The following SORCS3 variants were observed in gnomAD, a reference collection of about 807,000 sequenced individuals.
SORCS3 encodes the protein sortilin related VPS10 domain containing receptor 3.
A neutral mutation model predicts 146.3 loss-of-function variants in SORCS3; 57 were observed. That is an observed-to-expected ratio of 0.39 (90% CI 0.31 to 0.49). The LOEUF (loss-of-function observed/expected upper bound fraction) is 0.49. SORCS3 is among the 20% of genes least tolerant of loss of function. The pLI is 0.92. For synonymous variants in SORCS3, 653 were observed against 618.5 expected (o/e 1.06, Z -0.83); for missense variants, 1,341 against 1,575.5 (o/e 0.85, Z 2.52).
intron 2 of SORCS3, among the ~76,000 whole-genome samples, chr10:104,848,616 A>G (rs2018234674): frequency 6.6e-6 from 1 of 152,178 alleles, no homozygotes; most frequent in Non-Finnish European, 1.5e-5. Flanking sequence ...GGCTCTTTAT[A>G]TGTGAGGTCC....
chr10:105,033,961 C>T (rs539936924), intron 4 of SORCS3, among the ~76,000 whole-genome samples: 29 of 152,074 alleles, frequency 1.9e-4, no homozygotes, highest in Non-Finnish European at 3.8e-4. Flanking sequence ...AAGGGATATT[C>T]ATGTGTTCAT....
chr10:104,784,949 A>T (rs529261743), intron 1 of SORCS3, among the ~76,000 whole-genome samples: 1 of 152,124 alleles, frequency 6.6e-6, no homozygotes, highest in East Asian at 1.9e-4. Flanking sequence ...CCCGTTCTCA[A>T]TGAGCTGTTG....
intron 20 of SORCS3, among the ~76,000 whole-genome samples, chr10:105,223,608 C>G (rs991624516): frequency 6.6e-5 from 10 of 152,306 alleles, no homozygotes; most frequent in African/African-American, 2.4e-4. Context: ...GATTAAGTAG[C>G]CCTATCTGTC....
intron 4 of SORCS3, among the ~76,000 whole-genome samples, chr10:105,016,155 A>ATATATTTTTT (rs71482443): frequency 3.0e-5 from 3 of 101,344 alleles, no homozygotes; most frequent in Admixed American, 1.0e-4. Context: ...ATATATATAT[A>ATATATTTTTT]TTTTTTTTTT....
Position 104,951,030 on chromosome 10 carries a change from C to A in SORCS3, c.796-26305C>A, listed in dbSNP as rs926046313. Among the ~76,000 whole-genome samples, 4 of 152,302 alleles carry A rather than the reference C, an allele frequency of 2.6e-5. No homozygotes were observed. In the South Asian group the frequency reaches 8.3e-4, roughly 32 times the overall value. The stretch of plus-strand genomic sequence containing the variant: ...AGAGGAATAATTATTCCTATACAGA[C>A]CCTTTTAGACATCTATAGGAGGCAC... On this transcript the variant is annotated intron_variant, in intron 3 of 26. Coordinates refer to ENST00000369701, the MANE Select transcript of SORCS3 (RefSeq NM_014978.3).
intron 5 of SORCS3, among the ~76,000 whole-genome samples, chr10:105,064,396 G>T (rs2055508143): frequency 2.0e-5 from 3 of 152,132 alleles, no homozygotes; most frequent in Admixed American, 6.5e-5. Context: ...TTGATAGATA[G>T]ATATAGATGG....
chr10:104,786,536 GA>G (rs2017438342), intron 1 of SORCS3, among the ~76,000 whole-genome samples: 1 of 88,490 alleles, frequency 1.1e-5, no homozygotes, highest in African/African-American at 5.5e-5. Flanking sequence ...CTACAAGTAT[GA>G]AACTCCATCT....
Position 104,689,011 on chromosome 10 carries a change from C to T in SORCS3, c.627+47057C>T, listed in dbSNP as rs74916282. On this transcript the variant is annotated intron_variant, in intron 1 of 26. Transcript: ENST00000369701. ...GAGTATAGCTCAGAGTGGCCTCTTA[C>T]TCAGTTAACACCCTGCTGCTCCACC... is the stretch of plus-strand genomic sequence containing the variant. Among the ~76,000 whole-genome samples, 85 of 152,316 alleles carry T rather than the reference C, an allele frequency of 5.6e-4. 2 individuals carry two copies. The East Asian group carries it at 0.016, about 29-fold the overall frequency.
chr10:104,789,334 G>T (rs1220564209), intron 1 of SORCS3, among the ~76,000 whole-genome samples: 1 of 152,196 alleles, frequency 6.6e-6, no homozygotes, highest in Non-Finnish European at 1.5e-5. Context: ...TTGGTGCTGG[G>T]AGTCTATGGG....
chr10:105,125,941 G>A (rs2055970904), intron 7 of SORCS3, among the ~76,000 whole-genome samples: 1 of 152,056 alleles, frequency 6.6e-6, no homozygotes, highest in South Asian at 2.1e-4. Context: ...GTGAGGGTGG[G>A]GGTTGGAATC....
At chr10:104,696,719 TAAC>T (rs1414523755) in intron 1 of SORCS3, among the ~76,000 whole-genome samples, 11 of 89,732 alleles carry the variant, frequency 1.2e-4, no homozygotes, top group African/African-American at 3.2e-4. Context: ...ATATAATATA[TAAC>T]ATATATAATA....
chr10:104,833,986 T>A (rs1323524349), intron 1 of SORCS3, among the ~76,000 whole-genome samples: 1 of 152,240 alleles, frequency 6.6e-6, no homozygotes, highest in Non-Finnish European at 1.5e-5. Flanking sequence ...GCTCAAATGC[T>A]GAGGGTTGTC....
chr10:105,059,938 A>G (rs904014016), intron 5 of SORCS3, among the ~76,000 whole-genome samples: 4 of 152,228 alleles, frequency 2.6e-5, no homozygotes, highest in Non-Finnish European at 5.9e-5. Flanking sequence ...CCAGCAAAAT[A>G]CATAACTGTT....
At chr10:105,055,180 G>A (rs2055438215) in intron 5 of SORCS3, among the ~76,000 whole-genome samples, 1 of 151,952 alleles carries the variant, frequency 6.6e-6, no homozygotes, top group Non-Finnish European at 1.5e-5. Context: ...TTCAGTTTTG[G>A]TGCTATTGTA....
At chr10:104,718,284 C>G (rs983378760) in intron 1 of SORCS3, among the ~76,000 whole-genome samples, 3 of 152,088 alleles carry the variant, frequency 2.0e-5, no homozygotes, top group Non-Finnish European at 2.9e-5. Context: ...CATCCCATGG[C>G]AGAAGGTAGA....
chr10:105,240,951 T>C (rs2418741), intron 20 of SORCS3, among the ~76,000 whole-genome samples: 1 of 111,780 alleles, frequency 8.9e-6, no homozygotes, highest in Non-Finnish European at 2.0e-5. Flanking sequence ...GAAAAAAATA[T>C]ATATATATAT....
chr10:104,845,445 A>T (rs1399300520), intron 2 of SORCS3, among the ~76,000 whole-genome samples: 1 of 152,236 alleles, frequency 6.6e-6, no homozygotes, highest in Non-Finnish European at 1.5e-5. Flanking sequence ...TAAGTGAAAC[A>T]AATATAAAAA....
chr10:105,122,053 G>A (rs2055937581), intron 7 of SORCS3, among the ~76,000 whole-genome samples: 1 of 152,010 alleles, frequency 6.6e-6, no homozygotes, highest in African/African-American at 2.4e-5. Context: ...CACCCCCTCT[G>A]CTAAGCCCAG....
At chr10:105,105,566 G>T in intron 7 of SORCS3, 51 bp downstream of exon 7, 1 of 1,309,168 alleles carries the variant, frequency 7.6e-7, no homozygotes, top group Non-Finnish European at 1.1e-6. Context: ...GTTGAAGTTG[G>T]CTGCCTGCTA....
Sources: allele counts gnomAD v4.1 joint callset (sites outside exome capture counted in the v4.1 genomes callset), GRCh38; gene constraint gnomAD v4.1.1; transcripts MANE v1.5; gene names NCBI Gene and HGNC (gene_info 2026-07-23, HGNC 2026-07-21).